Variants in IGF2BP3 observed in about 807,000 individuals in gnomAD.
IGF2BP3 encodes insulin like growth factor 2 mRNA binding protein 3.
Under a neutral mutation model 73.8 loss-of-function variants are expected in IGF2BP3, and 9 were observed. That is an observed-to-expected ratio of 0.12 (90% confidence interval 0.07 to 0.21). The LOEUF is 0.21. IGF2BP3 is among the 10% of genes least tolerant of loss of function. The pLI is 1.00. For missense variants in IGF2BP3, 542 were observed against 714.0 expected, an observed-to-expected ratio of 0.76 and a Z score of 2.75; for synonymous variants, 258 against 256.7, an observed-to-expected ratio of 1.01 and a Z score of -0.05.
intron 3 of IGF2BP3, 46 bp downstream of exon 3, chr7:23,418,730 T>A: frequency 8.1e-7 from 1 of 1,234,854 alleles, no homozygotes; most frequent in South Asian, 1.3e-5. Context: ...CTAACAGCAA[T>A]AGGCTTCCAT....
chr7:23,407,777 A>G (rs1341462118), intron 3 of IGF2BP3, among the ~76,000 whole-genome samples: 2 of 152,124 alleles, frequency 1.3e-5, no homozygotes, highest in African/African-American at 4.8e-5. Context: ...AACAAAATCA[A>G]TGGCAATACA....
At chr7:23,322,460 G>C (rs2128493959) in intron 10 of IGF2BP3, among the ~76,000 whole-genome samples, 1 of 152,342 alleles carries the variant, frequency 6.6e-6, no homozygotes, top group South Asian at 2.1e-4. Context: ...GTACCTGAAA[G>C]TGACGGGGAG....
At chr7:23,437,868 C>T (rs1467727378) in intron 2 of IGF2BP3, among the ~76,000 whole-genome samples, 3 of 152,190 alleles carry the variant, frequency 2.0e-5, no homozygotes. Flanking sequence ...TTAAGACTCC[C>T]ATTTTACAGA....
intron 3 of IGF2BP3, among the ~76,000 whole-genome samples, chr7:23,380,530 T>C (rs1019504913): frequency 7.9e-5 from 12 of 152,152 alleles, no homozygotes; most frequent in African/African-American, 2.9e-4. Flanking sequence ...AAGACTGTCA[T>C]ACATTACTCT....
rs924801192 is a variant in IGF2BP3 at position 23,469,407 on chromosome 7, G to A, written c.175+529C>T. On this transcript the variant is annotated intron_variant, in intron 1 of 14. Coordinates refer to ENST00000258729, the MANE Select transcript of IGF2BP3 (RefSeq NM_006547.3). This position sits in a 1 kb window ranked among gnomAD's most constrained non-coding sequence, Gnocchi z 6.1. The stretch of plus-strand genomic sequence containing the variant: ...CACACTCTCTCCTCCCACAGGGTGG[G>A]GAGGAAGCGCGGGGCCGCCTGTGCG... The A allele has an allele frequency of 6.6e-6, 1 of 152,370 alleles. No homozygotes were observed. The highest frequency in any genetic ancestry group is 2.4e-5 in the African/African-American group (1 of 41,464). The allele number at this position is 152,370 out of a possible 1,614,324, so 9.4% of individuals were successfully genotyped here.
intron 2 of IGF2BP3, among the ~76,000 whole-genome samples, chr7:23,463,804 T>G (rs191542567): frequency 3.2e-4 from 48 of 152,330 alleles, no homozygotes; most frequent in Non-Finnish European, 6.2e-4. Flanking sequence ...AAGAAATCTT[T>G]CAAGATCTCT....
chr7:23,334,979 T>C (rs1005005368), intron 10 of IGF2BP3, among the ~76,000 whole-genome samples: 1 of 151,738 alleles, frequency 6.6e-6, no homozygotes, highest in Non-Finnish European at 1.5e-5. Context: ...CTCCTGGGTT[T>C]TTTTGTTGTT....
intron 3 of IGF2BP3, among the ~76,000 whole-genome samples, chr7:23,383,729 A>G (rs1252119752): frequency 6.6e-6 from 1 of 152,200 alleles, no homozygotes; most frequent in Non-Finnish European, 1.5e-5. Flanking sequence ...AAACAACCAA[A>G]ATGTCCATGG....
At chr7:23,394,582 A>G (rs986654442) in intron 3 of IGF2BP3, 3 of 152,208 alleles carry the variant, frequency 2.0e-5, no homozygotes, top group Admixed American at 6.5e-5. Context: ...AAATATTCTA[A>G]CAATATATAG....
chr7:23,459,275 T>A (rs376744781), intron 2 of IGF2BP3, among the ~76,000 whole-genome samples: 1 of 152,288 alleles, frequency 6.6e-6, no homozygotes, highest in South Asian at 2.1e-4. Context: ...ACAGGATTCA[T>A]AATTGGGGAA....
At position 23,449,559 on chromosome 7, in the gene IGF2BP3, T is replaced by C. The variant is rs577844791; in HGVS notation, c.236+18923A>G. 9.7e-4 allele frequency among the ~76,000 whole-genome samples: 68 copies of C among 70,380 alleles called. 1 individual carries two copies. The highest frequency in any genetic ancestry group is 1.6e-3 in the Non-Finnish European group (42 of 25,698). The allele number at this position is 70,380 out of a possible 152,430, so 46.2% of individuals were successfully genotyped here. A position where few individuals can be genotyped will look rare whatever the true frequency, so the allele number is the denominator to read the frequency against. ...TTTTTTTCCTTTTTCTTTTTCTTTTTTTTTTTTTTTTTTTTTTGAGAGAGT... is the reference window on the plus strand; with the variant it reads ...TTTTTTTCCTTTTTCTTTTTCTTTTCTTTTTTTTTTTTTTTTTGAGAGAGT... On this transcript the variant is annotated intron_variant, in intron 2 of 14. Transcript: ENST00000258729.
intron 10 of IGF2BP3, among the ~76,000 whole-genome samples, chr7:23,323,050 T>C (rs867913752): frequency 2.0e-5 from 3 of 152,038 alleles, no homozygotes; most frequent in African/African-American, 7.3e-5. Context: ...CATAATGACA[T>C]GATCAAATTC....
At chr7:23,402,919 G>T (rs1786712356) in intron 3 of IGF2BP3, among the ~76,000 whole-genome samples, 1 of 152,140 alleles carries the variant, frequency 6.6e-6, no homozygotes, top group Non-Finnish European at 1.5e-5. Flanking sequence ...GAAATCTGTG[G>T]ATCTTTTGGG....
intron 3 of IGF2BP3, among the ~76,000 whole-genome samples, chr7:23,412,952 C>T (rs1433901929): frequency 1.4e-5 from 2 of 142,410 alleles, no homozygotes; most frequent in African/African-American, 2.6e-5. Context: ...CTCCGCCTCC[C>T]GGGTTCAAGA....
At chr7:23,468,348 G>C in intron 2 of IGF2BP3, 134 bp downstream of exon 2, 1 of 878,628 alleles carries the variant, frequency 1.1e-6, no homozygotes, top group African/African-American at 1.7e-5. Context: ...AAACTTAAAA[G>C]CAAGGATTAA....
At position 23,378,249 on chromosome 7, in the gene IGF2BP3, T is replaced by A. The variant is rs141468099; in HGVS notation, c.286-16508A>T. On this transcript the variant is annotated intron_variant, in intron 3 of 14. Transcript: ENST00000258729. ...ATAATGTTGCCATTGGGAGAAAGAC[T>A]TTTTCTTTTCACTTTTCAAGTTTTC... Among the ~76,000 whole-genome samples, 301 of 152,218 alleles carry A rather than the reference T, an allele frequency of 2.0e-3. 2 individuals are homozygous for A. The highest frequency in any genetic ancestry group is 7.0e-3 in the African/African-American group (291 of 41,534).
intron 3 of IGF2BP3, chr7:23,415,107 C>G (rs918415768): frequency 4.6e-6 from 1 of 219,074 alleles, no homozygotes; most frequent in African/African-American, 2.4e-5. Context: ...CAGGTCCCGT[C>G]CGTCAGTCGG....
At position 23,312,667 on chromosome 7, in the gene IGF2BP3, A is replaced by C. The variant is rs1289609449; in HGVS notation, c.1641+68T>G. 2.7e-6 allele frequency: 3 copies of C among 1,113,168 alleles called. No individual in the cohort carries two copies. The African/African-American group carries it at 4.7e-5, about 17-fold the overall frequency. 69.0% of individuals were successfully genotyped at this position (1,113,168 alleles called of 1,614,324 possible). On this transcript the variant is annotated intron_variant, in intron 14 of 14. Coordinates refer to ENST00000258729, the MANE Select transcript of IGF2BP3 (RefSeq NM_006547.3). ...ACAACCTTAACTAATTCTATCAGGT[A>C]GGAGCACCTGTGGGAGAATTGCTTC...
intron 2 of IGF2BP3, among the ~76,000 whole-genome samples, chr7:23,420,830 T>C (rs946325193): frequency 1.3e-5 from 2 of 152,120 alleles, no homozygotes; most frequent in African/African-American, 4.8e-5. Context: ...CAAGGTAAAA[T>C]ATACCAAAGA....
Sources: gnomAD v4.1 joint callset for allele counts (sites outside exome capture counted in the v4.1 genomes callset) on GRCh38, gnomAD v4.1.1 for gene constraint, Gnocchi (gnomAD v3.1) non-coding constraint, MANE v1.5 for transcripts, NCBI Gene and HGNC (gene_info 2026-07-23, HGNC 2026-07-21) for gene names.